CUBN: variants seen among roughly 807,000 people sequenced by gnomAD.
CUBN encodes the protein cubilin, also known as 460 kDa receptor.
In CUBN, 282 loss-of-function variants were observed where a neutral mutation model predicts 405.3. The ratio of observed to expected loss-of-function variants is 0.70; its 90% CI spans 0.63 to 0.77. The LOEUF (loss-of-function observed/expected upper bound fraction) is 0.77, where lower values mean the gene tolerates loss of function less well. Among genes scored for constraint, CUBN ranks in the 30% least tolerant of loss-of-function variants. The probability of loss-of-function intolerance (pLI) is 0.00; values close to 1 mark genes in which losing one functional copy is unlikely to be tolerated. For synonymous variants in CUBN, 1,684 were observed against 1,617.0 expected (o/e 1.04, Z -0.99); for missense variants, 4,514 against 4,475.2 (o/e 1.01, Z -0.25).
At chr10:16,907,329 A>G (rs1841580420) in intron 49 of CUBN, among the ~76,000 whole-genome samples, 179 bp downstream of exon 49, 1 of 152,230 alleles carries the variant, frequency 6.6e-6, no homozygotes, top group African/African-American at 2.4e-5. Context: ...TTCTGAAATC[A>G]GAAAGCTTTT....
At chr10:16,881,334 A>T (rs1463891947) in intron 56 of CUBN, among the ~76,000 whole-genome samples, 1 of 152,220 alleles carries the variant, frequency 6.6e-6, no homozygotes, top group Non-Finnish European at 1.5e-5. Flanking sequence ...GTGAAACATA[A>T]GGTATAGTGT....
chr10:16,932,143 T>C (rs1842380500), intron 40 of CUBN, among the ~76,000 whole-genome samples: 1 of 152,096 alleles, frequency 6.6e-6, no homozygotes, highest in Non-Finnish European at 1.5e-5. Context: ...TTGATTTGAG[T>C]CTCTACTTAG....
intron 28 of CUBN, among the ~76,000 whole-genome samples, chr10:17,007,368 C>A (rs1834056129): frequency 6.6e-6 from 1 of 152,190 alleles, no homozygotes; most frequent in Admixed American, 6.5e-5. Flanking sequence ...TGTCTCATGT[C>A]TGCATGGCCA....
intron 13 of CUBN, among the ~76,000 whole-genome samples, chr10:17,101,048 CA>C (rs1247569907): frequency 6.6e-6 from 1 of 152,130 alleles, no homozygotes; most frequent in African/African-American, 2.4e-5. Flanking sequence ...TAATTTTCAT[CA>C]GAACCTAAAA....
At chr10:17,054,042 T>A (rs1273350317) in intron 22 of CUBN, among the ~76,000 whole-genome samples, 1 of 151,804 alleles carries the variant, frequency 6.6e-6, no homozygotes, top group African/African-American at 2.4e-5. Flanking sequence ...ACATTAAAAT[T>A]TGGGAGGTGG....
At chr10:17,124,168 G>T (rs1837112744) in intron 4 of CUBN, among the ~76,000 whole-genome samples, 1 of 152,114 alleles carries the variant, frequency 6.6e-6, no homozygotes, top group Admixed American at 6.6e-5. Context: ...TCCTCCCATG[G>T]GTTAAGGTGA....
intron 9 of CUBN, among the ~76,000 whole-genome samples, chr10:17,110,022 A>G (rs1488693050): frequency 2.0e-5 from 3 of 152,198 alleles, no homozygotes; most frequent in African/African-American, 7.2e-5. Flanking sequence ...GAAAGTTAAT[A>G]TTTTTATATT....
intron 27 of CUBN, among the ~76,000 whole-genome samples, chr10:17,028,413 A>G (rs755606337): frequency 1.3e-5 from 2 of 151,990 alleles, no homozygotes; most frequent in Non-Finnish European, 2.9e-5. Flanking sequence ...GAGATCAGGA[A>G]AAGAAAGTCT....
At chr10:16,893,239 A>G (rs1841084357) in intron 54 of CUBN, among the ~76,000 whole-genome samples, 1 of 152,238 alleles carries the variant, frequency 6.6e-6, no homozygotes, top group Non-Finnish European at 1.5e-5. Context: ...GCAGATTCAC[A>G]TACATTTGTA....
At chr10:16,881,619 G>T (rs949043607) in intron 56 of CUBN, among the ~76,000 whole-genome samples, 1 of 152,146 alleles carries the variant, frequency 6.6e-6, no homozygotes, top group Non-Finnish European at 1.5e-5. Flanking sequence ...GTAAAATGTA[G>T]AAATTATAAT....
chr10:17,015,341 A>G (rs528178496), intron 28 of CUBN, among the ~76,000 whole-genome samples: 14 of 152,302 alleles, frequency 9.2e-5, no homozygotes, highest in East Asian at 5.8e-4. Context: ...ATTGTTCCCC[A>G]TATTCATGTA....
intron 45 of CUBN, among the ~76,000 whole-genome samples, chr10:16,916,326 A>G (rs766233129): frequency 1.3e-5 from 2 of 152,248 alleles, no homozygotes; most frequent in Non-Finnish European, 2.9e-5. Flanking sequence ...TTGGGACACT[A>G]TGTAAGAGCT....
At chr10:17,008,320 T>C (rs1391121324) in intron 28 of CUBN, among the ~76,000 whole-genome samples, 4 of 142,492 alleles carry the variant, frequency 2.8e-5, no homozygotes, top group Admixed American at 7.1e-5. Context: ...GTCCTGTGGC[T>C]GTAGAGTCCC....
At chr10:17,123,545 T>G in intron 5 of CUBN, 43 bp downstream of exon 5, 1 of 1,400,018 alleles carries the variant, frequency 7.1e-7, no homozygotes, top group Non-Finnish European at 1.0e-6. Context: ...AAACCACAGA[T>G]GCTGACCTGC....
intron 17 of CUBN, among the ~76,000 whole-genome samples, chr10:17,077,102 C>A (rs1197740214): frequency 6.6e-6 from 1 of 152,108 alleles, no homozygotes; most frequent in Non-Finnish European, 1.5e-5. Context: ...TTTAGTGAAT[C>A]GCATTTGCAA....
intron 27 of CUBN, among the ~76,000 whole-genome samples, chr10:17,024,181 A>G (rs940994812): frequency 5.9e-5 from 9 of 152,222 alleles, no homozygotes; most frequent in African/African-American, 2.2e-4. Flanking sequence ...GGAAGGACCC[A>G]TAACAAAGGG....
intron 28 of CUBN, among the ~76,000 whole-genome samples, chr10:17,003,285 A>G (rs1833938251): frequency 6.6e-6 from 1 of 152,170 alleles, no homozygotes. Flanking sequence ...ACAGCCTAGC[A>G]GGAAGCGACA....
intron 56 of CUBN, among the ~76,000 whole-genome samples, chr10:16,884,075 G>A (rs1428277591): frequency 6.6e-6 from 1 of 152,156 alleles, no homozygotes; most frequent in Non-Finnish European, 1.5e-5. Flanking sequence ...CGCCTCCCGG[G>A]TTCACGCCAT....
intron 48 of CUBN, among the ~76,000 whole-genome samples, chr10:16,908,292 T>C (rs1382360227): frequency 2.0e-5 from 3 of 152,022 alleles, no homozygotes; most frequent in East Asian, 1.9e-4. Context: ...ATTATAGGCA[T>C]GCACCACCAC....
Sources: allele counts gnomAD v4.1 joint callset (sites outside exome capture counted in the v4.1 genomes callset), GRCh38; gene constraint gnomAD v4.1.1; transcripts MANE v1.5; gene names NCBI Gene and HGNC (gene_info 2026-07-23, HGNC 2026-07-21).